SGCZ: variants seen among roughly 807,000 people sequenced by gnomAD.
SGCZ encodes the protein zeta-sarcoglycan.
Under a neutral mutation model 41.3 loss-of-function variants are expected in SGCZ, and 40 were observed. The observed-to-expected ratio is 0.97, with a 90% CI of 0.75 to 1.26. SGCZ has a LOEUF of 1.26. Ranked by LOEUF, SGCZ falls within the 50% of genes most tolerant of loss-of-function variation. SGCZ has a pLI of 0.00. For missense variants in SGCZ, 552 were observed against 369.8 expected (o/e 1.49, Z -4.04); for synonymous variants, 206 against 137.5 (o/e 1.50, Z -3.49).
chr8:14,615,283 A>G (rs1806063427), intron 1 of SGCZ, among the ~76,000 whole-genome samples: 1 of 152,188 alleles, frequency 6.6e-6, no homozygotes, highest in African/African-American at 2.4e-5. Flanking sequence ...AAACAGCCAG[A>G]TTTCAGCCAG....
intron 1 of SGCZ, among the ~76,000 whole-genome samples, chr8:14,806,493 A>C (rs543200250): frequency 1.6e-4 from 25 of 152,254 alleles, no homozygotes; most frequent in African/African-American, 4.6e-4. Flanking sequence ...GAAATGGATA[A>C]ATTCCTCGAC....
intron 1 of SGCZ, among the ~76,000 whole-genome samples, chr8:14,618,308 A>T (rs1281996256): frequency 6.6e-6 from 1 of 152,192 alleles, no homozygotes; most frequent in Admixed American, 6.6e-5. Flanking sequence ...GGTTGAATAG[A>T]GCCCATTGCA....
At chr8:14,256,283 T>C (rs1220950666) in intron 3 of SGCZ, among the ~76,000 whole-genome samples, 2 of 152,128 alleles carry the variant, frequency 1.3e-5, no homozygotes, top group African/African-American at 4.8e-5. Flanking sequence ...GGTGCATGTA[T>C]GAGACATAGA....
At chr8:14,972,483 T>C (rs1055749457) in intron 1 of SGCZ, among the ~76,000 whole-genome samples, 3 of 152,206 alleles carry the variant, frequency 2.0e-5, no homozygotes, top group Non-Finnish European at 2.9e-5. Flanking sequence ...TTTGGTTTGC[T>C]TATGTAGACC....
At chr8:14,135,833 C>A (rs1021158025) in intron 5 of SGCZ, among the ~76,000 whole-genome samples, 3 of 151,812 alleles carry the variant, frequency 2.0e-5, no homozygotes, top group Non-Finnish European at 2.9e-5. Context: ...TACCCTGATA[C>A]CAAAATCAGA....
chr8:14,168,431 T>A (rs898957581), intron 4 of SGCZ, among the ~76,000 whole-genome samples: 1 of 152,086 alleles, frequency 6.6e-6, no homozygotes, highest in Non-Finnish European at 1.5e-5. Flanking sequence ...AGGGACCCAG[T>A]GGGAGGTAAT....
intron 3 of SGCZ, among the ~76,000 whole-genome samples, chr8:14,320,033 T>G (rs1563254878): frequency 6.6e-6 from 1 of 152,038 alleles, no homozygotes; most frequent in Non-Finnish European, 1.5e-5. Context: ...AGTTCACATA[T>G]GTATATATTT....
At chr8:14,238,160 G>C (rs544930738) in intron 3 of SGCZ, among the ~76,000 whole-genome samples, 115 of 152,256 alleles carry the variant, frequency 7.6e-4, no homozygotes, top group African/African-American at 2.6e-3. Context: ...CATTTAGTTT[G>C]TTTAAAGCAC....
At chr8:14,756,058 C>A (rs1006233588) in intron 1 of SGCZ, among the ~76,000 whole-genome samples, 3 of 151,926 alleles carry the variant, frequency 2.0e-5, no homozygotes, top group African/African-American at 7.3e-5. Context: ...CATAAGGGAT[C>A]TTCTCATGGT....
At chr8:14,880,643 G>C (rs184472868) in intron 1 of SGCZ, among the ~76,000 whole-genome samples, 32 of 152,252 alleles carry the variant, frequency 2.1e-4, no homozygotes, top group African/African-American at 7.7e-4. Flanking sequence ...ATGAGTTCAT[G>C]TCGATTGTAG....
chr8:15,109,758 G>A (rs1806974841), intron 1 of SGCZ, among the ~76,000 whole-genome samples: 1 of 152,110 alleles, frequency 6.6e-6, no homozygotes, highest in Admixed American at 6.5e-5. Flanking sequence ...ACATAGTTTT[G>A]TGAACATGTT....
At chr8:14,279,422 G>T (rs150521539) in intron 3 of SGCZ, among the ~76,000 whole-genome samples, 21 of 151,996 alleles carry the variant, frequency 1.4e-4, no homozygotes, top group African/African-American at 4.3e-4. Context: ...ACTCTTTAGA[G>T]GACACTACCT....
chr8:14,720,770 C>T (rs1809858128), intron 1 of SGCZ, among the ~76,000 whole-genome samples: 1 of 152,092 alleles, frequency 6.6e-6, no homozygotes, highest in Admixed American at 6.6e-5. Context: ...ACTAACCAGC[C>T]ATTTAAAAAG....
At chr8:14,245,505 T>G (rs1345897878) in intron 3 of SGCZ, among the ~76,000 whole-genome samples, 3 of 152,158 alleles carry the variant, frequency 2.0e-5, no homozygotes, top group African/African-American at 4.8e-5. Flanking sequence ...GAAGAAAACC[T>G]AGGCATTACC....
intron 1 of SGCZ, among the ~76,000 whole-genome samples, chr8:14,588,019 G>A (rs1369392474): frequency 6.6e-6 from 1 of 151,964 alleles, no homozygotes; most frequent in Non-Finnish European, 1.5e-5. Context: ...AAAAAGTTGA[G>A]CGATAATATT....
chr8:14,557,792 G>A (rs184456098), intron 1 of SGCZ, among the ~76,000 whole-genome samples: 1 of 151,832 alleles, frequency 6.6e-6, no homozygotes, highest in Admixed American at 6.6e-5. Context: ...AAACCCAGCA[G>A]AAGAAAGAAA....
At chr8:15,087,981 T>C (rs549794092) in intron 1 of SGCZ, among the ~76,000 whole-genome samples, 2 of 151,342 alleles carry the variant, frequency 1.3e-5, no homozygotes, top group African/African-American at 2.5e-5. Flanking sequence ...CATTACTATA[T>C]ACCTCATATG....
chr8:14,263,003 C>A (rs1387676479), intron 3 of SGCZ, among the ~76,000 whole-genome samples: 1 of 152,144 alleles, frequency 6.6e-6, no homozygotes, highest in African/African-American at 2.4e-5. Context: ...ACACAAACTT[C>A]TCTTTTCTTA....
At chr8:15,197,694 G>C (rs888578521) in intron 1 of SGCZ, among the ~76,000 whole-genome samples, 3 of 152,154 alleles carry the variant, frequency 2.0e-5, no homozygotes, top group Admixed American at 2.0e-4. Flanking sequence ...CACAATGCCA[G>C]ATTCTGAGGG....
Sources: allele counts gnomAD v4.1 joint callset (sites outside exome capture counted in the v4.1 genomes callset), GRCh38; gene constraint gnomAD v4.1.1; transcripts MANE v1.5; gene names NCBI Gene and HGNC (gene_info 2026-07-23, HGNC 2026-07-21).